Variants in RBPMS observed in about 807,000 individuals in gnomAD.
RBPMS encodes the protein RNA-binding protein with multiple splicing.
RBPMS carries 7 observed loss-of-function variants against 26.8 expected under a neutral mutation model. The ratio of observed to expected loss-of-function variants is 0.26; its 90% CI spans 0.15 to 0.49. The LOEUF is 0.49. Among genes scored for constraint, RBPMS ranks in the 20% least tolerant of loss-of-function variants. The pLI, the probability that RBPMS is intolerant of heterozygous loss-of-function variation, is 0.98. For missense variants in RBPMS, 186 were observed against 250.0 expected (o/e 0.74, Z 1.73); for synonymous variants, 96 against 93.3 (o/e 1.03, Z -0.17).
At chr8:30,547,234 T>C (rs1168912530) in intron 6 of RBPMS, 2 of 1,131,186 alleles carry the variant, frequency 1.8e-6, no homozygotes, top group Non-Finnish European at 2.6e-6. Context: ...TAAATAATTT[T>C]GTTTTTCTTA....
chr8:30,450,337 G>A (rs1033797996), intron 1 of RBPMS, among the ~76,000 whole-genome samples: 2 of 152,282 alleles, frequency 1.3e-5, no homozygotes. Context: ...TTTATAGATG[G>A]ACTATCTTAG....
intron 7 of RBPMS, among the ~76,000 whole-genome samples, chr8:30,563,227 C>T (rs113689417): frequency 9.3e-4 from 142 of 152,320 alleles, no homozygotes; most frequent in Middle Eastern, 3.4e-3. Flanking sequence ...TAATTTGCTC[C>T]GCCTCTTGCT....
intron 8 of RBPMS, among the ~76,000 whole-genome samples, chr8:30,569,515 A>C (rs1828123929): frequency 6.6e-6 from 1 of 152,192 alleles, no homozygotes; most frequent in South Asian, 2.1e-4. Flanking sequence ...CAGGCACGGC[A>C]CGCTCTGCTG....
chr8:30,484,152 T>C (rs1818551788), intron 4 of RBPMS, among the ~76,000 whole-genome samples: 2 of 152,182 alleles, frequency 1.3e-5, no homozygotes, highest in South Asian at 4.1e-4. Flanking sequence ...TTTGTTTACT[T>C]TGGTTTGTAA....
intron 4 of RBPMS, among the ~76,000 whole-genome samples, chr8:30,497,719 C>G (rs1820129781): frequency 6.6e-6 from 1 of 152,018 alleles, no homozygotes; most frequent in African/African-American, 2.4e-5. Flanking sequence ...CGGGTTCACA[C>G]AGTTCTCCTG....
chr8:30,543,615 T>C (rs1825614524), intron 5 of RBPMS, among the ~76,000 whole-genome samples: 1 of 152,220 alleles, frequency 6.6e-6, no homozygotes, highest in African/African-American at 2.4e-5. Context: ...GATTCCTTGC[T>C]ATTGACTGAT....
intron 1 of RBPMS, among the ~76,000 whole-genome samples, chr8:30,409,118 GC>G (rs1200585346): frequency 6.6e-6 from 1 of 151,766 alleles, no homozygotes; most frequent in Non-Finnish European, 1.5e-5. Flanking sequence ...GGTTGTTGAC[GC>G]TTTTTACATG....
At chr8:30,540,345 G>T (rs1178445172) in intron 5 of RBPMS, among the ~76,000 whole-genome samples, 1 of 152,102 alleles carries the variant, frequency 6.6e-6, no homozygotes, top group Non-Finnish European at 1.5e-5. Context: ...GATCATTTGG[G>T]GTCTTATAGG....
intron 5 of RBPMS, among the ~76,000 whole-genome samples, chr8:30,522,933 G>T (rs973041557): frequency 6.6e-6 from 1 of 152,144 alleles, no homozygotes; most frequent in Non-Finnish European, 1.5e-5. Context: ...TATATAAGAA[G>T]AATAATGCTT....
intron 1 of RBPMS, among the ~76,000 whole-genome samples, chr8:30,466,427 T>G (rs117155882): frequency 6.6e-6 from 1 of 152,026 alleles, no homozygotes; most frequent in Non-Finnish European, 1.5e-5. Context: ...ACACCTTTAG[T>G]CCTAGCTACT....
intron 1 of RBPMS, among the ~76,000 whole-genome samples, chr8:30,390,741 A>G (rs1156946932): frequency 3.3e-5 from 5 of 152,006 alleles, no homozygotes; most frequent in Non-Finnish European, 5.9e-5. Flanking sequence ...CCTGGTTATT[A>G]TTTTTTTCAG....
intron 6 of RBPMS, chr8:30,545,271 A>G: frequency 8.2e-7 from 1 of 1,212,460 alleles, no homozygotes; most frequent in Non-Finnish European, 1.0e-6. Context: ...AAATAGCCTG[A>G]TTTTTATAAA....
intron 6 of RBPMS, among the ~76,000 whole-genome samples, chr8:30,546,326 T>C (rs1397624906): frequency 1.3e-5 from 2 of 152,204 alleles, no homozygotes; most frequent in African/African-American, 2.4e-5. Flanking sequence ...ACCCTTACCC[T>C]GGATAATCAA....
chr8:30,539,213 C>T (rs76454884), intron 5 of RBPMS, among the ~76,000 whole-genome samples: 2,754 of 152,186 alleles, frequency 0.018, 83 homozygotes, highest in African/African-American at 0.063. Flanking sequence ...TGGCCAAATT[C>T]TTCATCTACG....
intron 1 of RBPMS, among the ~76,000 whole-genome samples, chr8:30,415,010 G>A (rs568514538): frequency 6.6e-6 from 1 of 152,180 alleles, no homozygotes; most frequent in African/African-American, 2.4e-5. Context: ...CCCATGGATG[G>A]TGTCCTTTGT....
chr8:30,517,448 A>C (rs1272006031), intron 5 of RBPMS, among the ~76,000 whole-genome samples: 1 of 152,138 alleles, frequency 6.6e-6, no homozygotes, highest in Admixed American at 6.5e-5. Flanking sequence ...ACTTAAACAA[A>C]ATAGTTTAAT....
At chr8:30,537,242 G>A (rs1193954637) in intron 5 of RBPMS, among the ~76,000 whole-genome samples, 3 of 152,188 alleles carry the variant, frequency 2.0e-5, no homozygotes, top group Non-Finnish European at 2.9e-5. Flanking sequence ...TCTTAGCCTC[G>A]AAGAAGTGGG....
chr8:30,458,645 C>G (rs145224483), intron 1 of RBPMS, among the ~76,000 whole-genome samples: 294 of 152,256 alleles, frequency 1.9e-3, no homozygotes, highest in African/African-American at 4.6e-3. Context: ...GGTTGCACAT[C>G]AGTAATTCTG....
intron 6 of RBPMS, chr8:30,547,480 G>A: frequency 7.7e-6 from 12 of 1,554,104 alleles, no homozygotes; most frequent in Non-Finnish European, 1.0e-5. Flanking sequence ...GACGACCTTT[G>A]AGAGATTTCA....
Sources: allele counts gnomAD v4.1 joint callset (sites outside exome capture counted in the v4.1 genomes callset), GRCh38; gene constraint gnomAD v4.1.1; transcripts MANE v1.5; gene names NCBI Gene and HGNC (gene_info 2026-07-23, HGNC 2026-07-21).